NKAIN2: variants seen among roughly 807,000 people sequenced by gnomAD.
NKAIN2 encodes the protein sodium/potassium-transporting ATPase subunit beta-1-interacting protein 2.
NKAIN2 carries 14 observed loss-of-function variants against 32.6 expected under a neutral mutation model. The ratio of observed to expected loss-of-function variants is 0.43; its 90% confidence interval spans 0.28 to 0.67. NKAIN2 has a LOEUF of 0.67. Among genes scored for constraint, NKAIN2 ranks in the 30% least tolerant of loss-of-function variants. The pLI, the probability that NKAIN2 is intolerant of heterozygous loss-of-function variation, is 0.17. For synonymous variants in NKAIN2, 80 were observed against 87.2 expected (o/e 0.92, Z 0.46); for missense variants, 198 against 258.3 (o/e 0.77, Z 1.60).
At chr6:124,585,934 GA>G (rs1165389639) in intron 3 of NKAIN2, among the ~76,000 whole-genome samples, 2 of 152,182 alleles carry the variant, frequency 1.3e-5, no homozygotes, top group African/African-American at 4.8e-5. Flanking sequence ...TTTGCCTAAA[GA>G]AGAGGCATGA....
intron 1 of NKAIN2, among the ~76,000 whole-genome samples, chr6:124,226,559 A>G (rs2114717815): frequency 6.6e-6 from 1 of 152,068 alleles, no homozygotes. Flanking sequence ...TCAAATTTAA[A>G]TCTTGGCCAT....
At chr6:124,319,563 A>G in intron 2 of NKAIN2, among the ~76,000 whole-genome samples, 1 of 152,092 alleles carries the variant, frequency 6.6e-6, no homozygotes, top group East Asian at 1.9e-4. Context: ...CTTTGCTACA[A>G]ATGTTTTCAT....
At chr6:124,806,247 G>C (rs529789604) in intron 5 of NKAIN2, among the ~76,000 whole-genome samples, 1 of 152,088 alleles carries the variant, frequency 6.6e-6, no homozygotes, top group African/African-American at 2.4e-5. Context: ...GAGAAAGATC[G>C]GGTTACACAC....
chr6:123,831,689 T>C (rs1437988693), intron 1 of NKAIN2, among the ~76,000 whole-genome samples: 1 of 149,712 alleles, frequency 6.7e-6, no homozygotes, highest in African/African-American at 2.5e-5. Context: ...GGAGTTTTGC[T>C]CTGTCGCCCA....
chr6:124,017,090 CCT>C (rs1747819557), intron 1 of NKAIN2, among the ~76,000 whole-genome samples: 1 of 152,116 alleles, frequency 6.6e-6, no homozygotes, highest in Non-Finnish European at 1.5e-5. Flanking sequence ...GCTGGGGAGG[CCT>C]CACAATCATG....
chr6:123,928,700 C>T (rs1270342468), intron 1 of NKAIN2, among the ~76,000 whole-genome samples: 1 of 152,068 alleles, frequency 6.6e-6, no homozygotes, highest in Non-Finnish European at 1.5e-5. Context: ...TTTGTAAAAA[C>T]AATCTGGCAG....
chr6:124,378,014 G>T (rs1047878870), intron 3 of NKAIN2, among the ~76,000 whole-genome samples: 5 of 152,130 alleles, frequency 3.3e-5, no homozygotes, highest in African/African-American at 1.2e-4. Flanking sequence ...CCTGCTGGCT[G>T]TGTGGATACC....
At chr6:124,516,088 C>G (rs1022073698) in intron 3 of NKAIN2, among the ~76,000 whole-genome samples, 2 of 152,048 alleles carry the variant, frequency 1.3e-5, no homozygotes, top group African/African-American at 4.8e-5. Context: ...GCAAAACATC[C>G]AAAAATCTTG....
At chr6:124,221,299 C>T (rs1298851618) in intron 1 of NKAIN2, among the ~76,000 whole-genome samples, 2 of 151,168 alleles carry the variant, frequency 1.3e-5, no homozygotes, top group Admixed American at 1.3e-4. Context: ...AGTAAACTAT[C>T]ACAAGAACAA....
chr6:124,081,370 A>G (rs1198960275), intron 1 of NKAIN2, among the ~76,000 whole-genome samples: 1 of 152,088 alleles, frequency 6.6e-6, no homozygotes, highest in Non-Finnish European at 1.5e-5. Context: ...AAATAAGGTT[A>G]TATTACTAGT....
rs192933373 is a variant in NKAIN2 at position 124,735,705 on chromosome 6, C to T, written c.475-55634C>T. 1.9e-3 allele frequency among the ~76,000 whole-genome samples: 291 copies of T among 151,786 alleles called. 1 individual carries two copies. The highest frequency in any genetic ancestry group is 3.4e-3 in the Non-Finnish European group (228 of 67,848). On this transcript the variant is annotated intron_variant, in intron 4 of 6. Transcript: ENST00000368417. Reference sequence around the variant, plus strand: ...ATATTTCCAACTATTTCGTTGTTATCGTATCTGTTATGGTGATCTGTGATC... The same window carrying T: ...ATATTTCCAACTATTTCGTTGTTATTGTATCTGTTATGGTGATCTGTGATC...
At chr6:124,806,576 T>C (rs901392891) in intron 5 of NKAIN2, among the ~76,000 whole-genome samples, 13 of 150,924 alleles carry the variant, frequency 8.6e-5, no homozygotes, top group Admixed American at 7.9e-4. Context: ...AGAAACTGCA[T>C]CAACTAACGA....
chr6:124,721,144 C>T (rs944533629), intron 4 of NKAIN2, among the ~76,000 whole-genome samples: 38 of 152,104 alleles, frequency 2.5e-4, no homozygotes, highest in East Asian at 1.9e-4. Flanking sequence ...TGGCCGGGCG[C>T]GGTGGCTCAC....
At chr6:124,709,416 A>T (rs1775304481) in intron 4 of NKAIN2, among the ~76,000 whole-genome samples, 1 of 151,434 alleles carries the variant, frequency 6.6e-6, no homozygotes, top group African/African-American at 2.4e-5. Flanking sequence ...AAGGAATGGT[A>T]CCAGTTCCTC....
chr6:123,874,548 G>A (rs889276215), intron 1 of NKAIN2, among the ~76,000 whole-genome samples: 2 of 151,960 alleles, frequency 1.3e-5, no homozygotes, highest in African/African-American at 4.8e-5. Context: ...GCTTGAAGGA[G>A]CTTATTTTGG....
chr6:124,065,240 A>AC (rs554736915), intron 1 of NKAIN2, among the ~76,000 whole-genome samples: 7 of 151,110 alleles, frequency 4.6e-5, no homozygotes, highest in African/African-American at 1.5e-4. Flanking sequence ...ACACACACAC[A>AC]ACACTCAACA....
chr6:124,185,528 C>T (rs1266981573), intron 1 of NKAIN2, among the ~76,000 whole-genome samples: 1 of 152,120 alleles, frequency 6.6e-6, no homozygotes, highest in Non-Finnish European at 1.5e-5. Flanking sequence ...TCTCTTTCTA[C>T]ACTAATTGCT....
chr6:124,345,182 T>C (rs938330302), intron 2 of NKAIN2, among the ~76,000 whole-genome samples: 8 of 152,138 alleles, frequency 5.3e-5, no homozygotes, highest in Admixed American at 2.0e-4. Context: ...AGGGATGAAG[T>C]CCACTTGATC....
At position 124,725,882 on chromosome 6, in the gene NKAIN2, T is replaced by C. The variant is rs1055956140; in HGVS notation, c.475-65457T>C. On this transcript the variant is annotated intron_variant, in intron 4 of 6. Transcript: ENST00000368417. ...GTGCAAGCCAAAGCAGGGCGAGGCA[T>C]TGCCTCACTTGGGAAGCGCAAGGGG... 4.6e-5 allele frequency among the ~76,000 whole-genome samples: 7 copies of C among 152,228 alleles called. No homozygotes were observed. In the East Asian group the frequency reaches 5.8e-4, roughly 13 times the overall value.
Sources: allele counts gnomAD v4.1 joint callset (sites outside exome capture counted in the v4.1 genomes callset), GRCh38; gene constraint gnomAD v4.1.1; transcripts MANE v1.5; gene names NCBI Gene and HGNC (gene_info 2026-07-23, HGNC 2026-07-21).